Variants in LNP1 observed in about 807,000 individuals in gnomAD.
The protein encoded by LNP1 is leukemia NUP98 fusion partner 1.
A neutral mutation model predicts 14.5 loss-of-function variants in LNP1; 12 were observed. That is an observed-to-expected ratio of 0.83 (90% CI 0.53 to 1.34). The LOEUF is 1.34. LNP1 is among the 40% of genes most tolerant of loss of function. The probability of loss-of-function intolerance (pLI) is 0.00; values close to 1 mark genes in which losing one functional copy is unlikely to be tolerated. For missense variants in LNP1, 198 were observed against 210.9 expected (o/e 0.94, Z 0.38); for synonymous variants, 75 against 71.4 (o/e 1.05, Z -0.26).
Position 100,436,682 on chromosome 3 carries a change from T to C in LNP1, c.156+6797T>C, listed in dbSNP as rs143553515. Among the ~76,000 whole-genome samples the C allele has an allele frequency of 4.2e-3, 647 of 152,348 alleles. 3 individuals carry two copies. Among genetic ancestry groups the C allele is most frequent in the African/African-American group, 0.015 (615 of 41,574 alleles). ...TGGGAAGATAATTGGTAATTTTATA[T>C]TGAACATTGGCAGGTAACATATGTT... is the stretch of plus-strand genomic sequence containing the variant. On this transcript the variant is annotated intron_variant, in intron 2 of 3. Coordinates refer to ENST00000383693, the MANE Select transcript of LNP1 (RefSeq NM_001085451.2).
chr3:100,408,415 TGGCTGCTGA>T (rs1345313612), intron 1 of LNP1, among the ~76,000 whole-genome samples: 16 of 152,234 alleles, frequency 1.1e-4, no homozygotes, highest in Non-Finnish European at 1.9e-4. Flanking sequence ...TGGAATCCTG[TGGCTGCTGA>T]GGCTGGTGCA....
intron 2 of LNP1, among the ~76,000 whole-genome samples, chr3:100,450,462 T>C (rs758255577): frequency 6.6e-6 from 1 of 151,610 alleles, no homozygotes; most frequent in Non-Finnish European, 1.5e-5. Context: ...GCCTCCCGGG[T>C]AGCTGGGACT....
intron 1 of LNP1, among the ~76,000 whole-genome samples, chr3:100,405,356 T>C (rs1438018116): frequency 6.6e-6 from 1 of 152,260 alleles, no homozygotes; most frequent in Non-Finnish European, 1.5e-5. Flanking sequence ...CCTAAGAGTA[T>C]GTATAACACA....
intron 1 of LNP1, among the ~76,000 whole-genome samples, chr3:100,427,750 T>A (rs547609512): frequency 6.4e-4 from 97 of 152,268 alleles, no homozygotes; most frequent in African/African-American, 2.2e-3. Flanking sequence ...TGGGGTACAG[T>A]CTGGAGGAAA....
At chr3:100,425,018 C>T (rs761115601) in intron 1 of LNP1, among the ~76,000 whole-genome samples, 26 of 152,094 alleles carry the variant, frequency 1.7e-4, no homozygotes, top group Non-Finnish European at 1.9e-4. Flanking sequence ...TAACCTAGCC[C>T]GAGGCATCAA....
At chr3:100,437,720 C>T (rs1487270739) in intron 2 of LNP1, among the ~76,000 whole-genome samples, 1 of 152,004 alleles carries the variant, frequency 6.6e-6, no homozygotes, top group African/African-American at 2.4e-5. Context: ...CAGATGAATT[C>T]CTAAAGACCT....
At chr3:100,439,310 C>T (rs887288989) in intron 2 of LNP1, among the ~76,000 whole-genome samples, 1 of 151,888 alleles carries the variant, frequency 6.6e-6, no homozygotes, top group Non-Finnish European at 1.5e-5. Flanking sequence ...AAAACAATAG[C>T]ACACCACAGA....
intron 2 of LNP1, 37 bp from the exon 3 acceptor site, chr3:100,451,682 C>T (rs373655419): frequency 2.6e-6 from 2 of 769,790 alleles, no homozygotes; most frequent in South Asian, 4.3e-5. Context: ...TTGCACAGTC[C>T]TTTTATACTG....
At chr3:100,452,446 A>G (rs529963737) in intron 3 of LNP1, among the ~76,000 whole-genome samples, 15 of 151,974 alleles carry the variant, frequency 9.9e-5, no homozygotes, top group African/African-American at 2.9e-4. Flanking sequence ...GGCTCAAGCA[A>G]TGCTCCTGCC....
chr3:100,449,372 G>A (rs1027123758), intron 2 of LNP1, among the ~76,000 whole-genome samples: 4 of 152,088 alleles, frequency 2.6e-5, no homozygotes, highest in African/African-American at 9.7e-5. Flanking sequence ...ACAAAAGCAA[G>A]CAGTTTAAAA....
At chr3:100,421,306 ATTC>A (rs1707142028) in intron 1 of LNP1, among the ~76,000 whole-genome samples, 1 of 152,208 alleles carries the variant, frequency 6.6e-6, no homozygotes, top group Non-Finnish European at 1.5e-5. Context: ...GTTAATCTGT[ATTC>A]TATTCAGGTC....
intron 1 of LNP1, among the ~76,000 whole-genome samples, chr3:100,403,237 C>T (rs1036769): frequency 0.74 from 112,322 of 152,206 alleles, 42,357 homozygotes; most frequent in East Asian, 0.93. Flanking sequence ...TGTTACAAAG[C>T]AATAGATATT....
Position 100,406,637 on chromosome 3 carries a change from C to T in LNP1, c.-34+4198C>T, listed in dbSNP as rs575008848. Among the ~76,000 whole-genome samples, 12 of 152,202 alleles carry T rather than the reference C, an allele frequency of 7.9e-5. No homozygotes were observed. In the South Asian group the frequency reaches 1.0e-3, roughly 13 times the overall value. ...GCAACCTCCGCCTCCCGGGTTCAAG[C>T]GATTCTCCTGCCTCAGCCTCCCAAG... On this transcript the variant is annotated intron_variant, in intron 1 of 3. Transcript: ENST00000383693.
At position 100,433,984 on chromosome 3, in the gene LNP1, GA is replaced by G. The variant is rs768644253; in HGVS notation, c.156+4100del. On this transcript the variant is annotated intron_variant, in intron 2 of 3. Transcript: ENST00000383693. ...ATATTAGACTTTTGTTAGATGAGTA[GA>G]TTGCAAACATTTTCCCCCATTCCAT... Among the ~76,000 whole-genome samples, 24 of 152,278 alleles carry G rather than the reference GA, an allele frequency of 1.6e-4. No homozygotes were observed. In the South Asian group the frequency reaches 1.9e-3, roughly 12 times the overall value.
intron 1 of LNP1, among the ~76,000 whole-genome samples, chr3:100,407,218 C>T (rs1461802824): frequency 2.6e-5 from 4 of 152,158 alleles, no homozygotes; most frequent in Admixed American, 2.0e-4. Context: ...CTGTGTTTAT[C>T]ATTAGTGTCC....
At chr3:100,419,011 G>A (rs1208563065) in intron 1 of LNP1, among the ~76,000 whole-genome samples, 1 of 152,114 alleles carries the variant, frequency 6.6e-6, no homozygotes, top group East Asian at 1.9e-4. Context: ...TCTTCCTCCT[G>A]CATGGACAAC....
chr3:100,425,895 A>G (rs1057449213), intron 1 of LNP1, among the ~76,000 whole-genome samples: 3 of 152,242 alleles, frequency 2.0e-5, no homozygotes, highest in African/African-American at 7.2e-5. Flanking sequence ...AGCTGCATTT[A>G]TCAATCAAAC....
chr3:100,409,438 T>C (rs1387292833), intron 1 of LNP1, among the ~76,000 whole-genome samples: 6 of 150,862 alleles, frequency 4.0e-5, no homozygotes, highest in Non-Finnish European at 7.4e-5. Context: ...AGGTCAGGAG[T>C]TCGAGGCCAG....
At chr3:100,409,565 C>T (rs1365791822) in intron 1 of LNP1, among the ~76,000 whole-genome samples, 4 of 109,082 alleles carry the variant, frequency 3.7e-5, no homozygotes, top group African/African-American at 1.1e-4. Context: ...CATACACACA[C>T]ACACACACAC....
Sources: allele counts gnomAD v4.1 joint callset (sites outside exome capture counted in the v4.1 genomes callset), GRCh38; gene constraint gnomAD v4.1.1; transcripts MANE v1.5; gene names NCBI Gene and HGNC (gene_info 2026-07-23, HGNC 2026-07-21).